Variants in CDH8 observed in about 807,000 individuals in gnomAD.
CDH8 encodes the protein cadherin-8.
CDH8 carries 17 observed loss-of-function variants against 68.1 expected under a neutral mutation model. That is an observed-to-expected ratio of 0.25 (90% CI 0.17 to 0.37). CDH8 has a LOEUF of 0.37. CDH8 is among the 10% of genes least tolerant of loss of function. CDH8 has a pLI of 1.00. For synonymous variants in CDH8, 372 were observed against 365.1 expected (o/e 1.02, Z -0.21); for missense variants, 763 against 999.3 (o/e 0.76, Z 3.19).
intron 6 of CDH8, among the ~76,000 whole-genome samples, chr16:61,818,205 C>A (rs1962125872): frequency 6.6e-6 from 1 of 151,946 alleles, no homozygotes; most frequent in Non-Finnish European, 1.5e-5. Flanking sequence ...TTGTTTAGTC[C>A]AAGGAGACAT....
chr16:61,837,866 A>G (rs1040512361), intron 4 of CDH8, among the ~76,000 whole-genome samples: 1 of 151,990 alleles, frequency 6.6e-6, no homozygotes, highest in Non-Finnish European at 1.5e-5. Flanking sequence ...AGGGGAATAG[A>G]TCTCTATGTC....
intron 10 of CDH8, among the ~76,000 whole-genome samples, chr16:61,684,769 G>T (rs1257989495): frequency 6.6e-6 from 1 of 151,956 alleles, no homozygotes; most frequent in Non-Finnish European, 1.5e-5. Context: ...AATTCTTAGA[G>T]GGCAAGACTC....
chr16:61,873,567 C>A (rs536272823), intron 3 of CDH8, among the ~76,000 whole-genome samples: 1 of 152,176 alleles, frequency 6.6e-6, no homozygotes, highest in African/African-American at 2.4e-5. Flanking sequence ...TGACTTATGA[C>A]GGGTCAACTT....
chr16:61,734,068 GCAAA>G (rs1426637267), intron 8 of CDH8, among the ~76,000 whole-genome samples: 2 of 152,070 alleles, frequency 1.3e-5, no homozygotes, highest in South Asian at 2.1e-4. Context: ...ATAAGAAAAA[GCAAA>G]CAGAGATAAA....
intron 2 of CDH8, among the ~76,000 whole-genome samples, chr16:61,930,548 A>C (rs563090690): frequency 1.1e-4 from 17 of 152,284 alleles, no homozygotes; most frequent in African/African-American, 3.6e-4. Context: ...TTCTATGCCA[A>C]AAGGACTGTA....
intron 2 of CDH8, among the ~76,000 whole-genome samples, chr16:61,912,953 G>A (rs1164635779): frequency 6.6e-6 from 1 of 151,918 alleles, no homozygotes; most frequent in Non-Finnish European, 1.5e-5. Flanking sequence ...TTAAAACACA[G>A]CAATAAAAAC....
intron 10 of CDH8, among the ~76,000 whole-genome samples, chr16:61,674,116 A>G (rs1199594802): frequency 2.6e-5 from 4 of 152,170 alleles, no homozygotes; most frequent in Non-Finnish European, 5.9e-5. Context: ...TCAGCAGAGA[A>G]ACAAGAAAGA....
intron 2 of CDH8, among the ~76,000 whole-genome samples, chr16:62,019,800 T>A (rs1243630317): frequency 6.6e-6 from 1 of 152,172 alleles, no homozygotes; most frequent in South Asian, 2.1e-4. Context: ...TATATATGCA[T>A]ATACTGAAGG....
intron 8 of CDH8, among the ~76,000 whole-genome samples, chr16:61,770,818 C>T (rs1219502370): frequency 6.6e-6 from 1 of 151,970 alleles, no homozygotes; most frequent in Non-Finnish European, 1.5e-5. Context: ...AGAAACTTCA[C>T]CGCCAGGCCA....
chr16:61,662,833 G>T (rs568414770), intron 10 of CDH8, among the ~76,000 whole-genome samples: 1 of 151,834 alleles, frequency 6.6e-6, no homozygotes, highest in East Asian at 1.9e-4. Context: ...ATATCCACAG[G>T]AACCAATCCC....
At position 61,655,707 on chromosome 16, in the gene CDH8, T is replaced by C; in HGVS notation, c.1669A>G (p.Ile557Val). The C allele has an allele frequency of 1.2e-6, 2 of 1,613,702 alleles. No homozygotes were observed. Among genetic ancestry groups the C allele is most frequent in the Non-Finnish European group, 1.7e-6 (2 of 1,179,654 alleles). The change falls in exon 11 of 12, where the codon ATT (isoleucine) becomes GTT (valine). Residue 557 changes from isoleucine (I) to valine (V), a missense_variant. By Grantham distance (29) the Ile-to-Val change is conservative. Coordinates refer to ENST00000577390, the MANE Select transcript of CDH8 (RefSeq NM_001796.5). ...TTGAATCCATTATGCTTTGCCAAAA[T>C]ACTGAGGGAATTATCTGAAAAAAGT... ...IKKNEDNSLS[I>V]LAKHNGFNRQ...
intron 8 of CDH8, among the ~76,000 whole-genome samples, chr16:61,735,856 C>T (rs995626084): frequency 1.3e-5 from 2 of 151,938 alleles, no homozygotes; most frequent in African/African-American, 2.4e-5. Context: ...GGGGAGATCG[C>T]TAGGTCAAGA....
intron 8 of CDH8, among the ~76,000 whole-genome samples, chr16:61,777,337 T>C (rs1377668163): frequency 6.6e-6 from 1 of 152,178 alleles, no homozygotes; most frequent in Admixed American, 6.5e-5. Context: ...AACTCGCACC[T>C]GAAAAGCTAG....
chr16:61,778,993 G>A (rs1307266886), intron 8 of CDH8, among the ~76,000 whole-genome samples: 1 of 152,130 alleles, frequency 6.6e-6, no homozygotes, highest in Non-Finnish European at 1.5e-5. Context: ...AGCTTCATTT[G>A]CAATAATGTG....
chr16:62,021,628 T>A (rs553414916), intron 1 of CDH8, 26 bp from the exon 2 acceptor site: 1 of 1,283,070 alleles, frequency 7.8e-7, no homozygotes, highest in African/African-American at 1.5e-5. Context: ...GGAAGAAAGA[T>A]AAGGGTCTAC....
chr16:61,938,244 T>G (rs1010163512), intron 2 of CDH8, among the ~76,000 whole-genome samples: 1 of 152,264 alleles, frequency 6.6e-6, no homozygotes, highest in African/African-American at 2.4e-5. Flanking sequence ...ATGAATTAAT[T>G]ACCCAGTCAT....
chr16:61,730,588 C>T (rs1330714805), intron 8 of CDH8, among the ~76,000 whole-genome samples: 1 of 151,476 alleles, frequency 6.6e-6, no homozygotes, highest in Non-Finnish European at 1.5e-5. Flanking sequence ...TAAAGAATAT[C>T]ATGGTACACA....
intron 10 of CDH8, among the ~76,000 whole-genome samples, chr16:61,663,146 T>C (rs1399447787): frequency 6.6e-6 from 1 of 151,930 alleles, no homozygotes; most frequent in African/African-American, 2.4e-5. Flanking sequence ...AAATACAAGG[T>C]ATGTGCCAAG....
At chr16:61,780,426 G>A (rs1961019688) in intron 8 of CDH8, among the ~76,000 whole-genome samples, 1 of 152,230 alleles carries the variant, frequency 6.6e-6, no homozygotes, top group Admixed American at 6.5e-5. Flanking sequence ...TCTGACACAA[G>A]AGGATAAAGA....
Sources: allele counts gnomAD v4.1 joint callset (sites outside exome capture counted in the v4.1 genomes callset), GRCh38; gene constraint gnomAD v4.1.1; transcripts MANE v1.5; gene names NCBI Gene and HGNC (gene_info 2026-07-23, HGNC 2026-07-21).